PTGER4: variants seen among roughly 807,000 people sequenced by gnomAD.
PTGER4 encodes the protein prostaglandin E receptor 4, also known as prostaglandin E2 receptor EP4 subtype.
PTGER4 carries 11 observed loss-of-function variants against 33.2 expected under a neutral mutation model. The observed-to-expected ratio is 0.33, with a 90% CI of 0.21 to 0.55. PTGER4 has a LOEUF of 0.55. PTGER4 is among the 20% of genes least tolerant of loss of function. The probability of loss-of-function intolerance (pLI) is 0.92; values close to 1 mark genes in which losing one functional copy is unlikely to be tolerated. For synonymous variants in PTGER4, 275 were observed against 281.5 expected (o/e 0.98, Z 0.23); for missense variants, 481 against 650.2 (o/e 0.74, Z 2.83).
At chr5:40,738,092 T>C in the PTGER4 span, among the ~76,000 whole-genome samples, 552 of 152,244 alleles carry the variant, frequency 3.6e-3, 3 homozygotes, top group Non-Finnish European at 6.8e-3. Context: ...AACTGTGAGA[T>C]TGTACAATAA....
the PTGER4 span, among the ~76,000 whole-genome samples, chr5:40,716,653 C>T: frequency 6.6e-6 from 1 of 152,154 alleles, no homozygotes; most frequent in East Asian, 1.9e-4. Flanking sequence ...TACGGTGTTG[C>T]CCTAAACACT....
the PTGER4 span, among the ~76,000 whole-genome samples, chr5:40,738,539 CAATAAAATAAAATAA>C: frequency 0.01 from 677 of 67,498 alleles, 34 homozygotes; most frequent in East Asian, 0.23. Flanking sequence ...CAATAAAATA[CAATAAAATAAAATAA>C]AATAAAATAA....
chr5:40,681,880 G>A lies in PTGER4; in HGVS notation c.867+20G>A, dbSNP rs763281784. On this transcript the variant is annotated intron_variant, in intron 2 of 2. Transcript: ENST00000302472. This position sits in a 1 kb window ranked among gnomAD's most constrained non-coding sequence, Gnocchi z 9.8. ...CTCGTGGTGAGTGACCGGGGCTGGGGCCCTACTCGGCCTTTTTCTCGCATC... is the reference window on the plus strand; with the variant it reads ...CTCGTGGTGAGTGACCGGGGCTGGGACCCTACTCGGCCTTTTTCTCGCATC... 1 of 1,484,088 alleles carries A rather than the reference G, an allele frequency of 6.7e-7. No individual in the cohort carries two copies. Among genetic ancestry groups the A allele is most frequent in the Non-Finnish European group, 8.9e-7 (1 of 1,121,852 alleles). The allele number at this position is 1,484,088 out of a possible 1,614,324, so 91.9% of individuals were successfully genotyped here.
At chr5:40,734,312 GT>G in the PTGER4 span, among the ~76,000 whole-genome samples, 20 of 92,924 alleles carry the variant, frequency 2.2e-4, no homozygotes, top group East Asian at 5.9e-4. Flanking sequence ...TTCAACTTCA[GT>G]TTGGAACAGA....
In PTGER4 at chr5:40,692,083, C is replaced by T. The variant is rs767283149; in HGVS notation, c.1172C>T (p.Thr391Ile). ...ISRELKEISS[T>I]SQTLLPDLSL... ...CGGGAGCTGAAGGAGATCAGCAGTACATCTCAGACCCTCCTGCCAGACCTC... is the reference window on the plus strand; with the variant it reads ...CGGGAGCTGAAGGAGATCAGCAGTATATCTCAGACCCTCCTGCCAGACCTC... Residue 391 changes from threonine (T) to isoleucine (I), a missense_variant, in exon 3 of 3, where the codon ACA becomes ATA. Transcript: ENST00000302472. The T allele has an allele frequency of 1.9e-6, 3 of 1,614,232 alleles. No individual in the cohort carries two copies. Among genetic ancestry groups the T allele is most frequent in the South Asian group, 1.1e-5 (1 of 91,088 alleles).
downstream of PTGER4, among the ~76,000 whole-genome samples, chr5:40,698,121 C>CAAAAAAAAAAA (rs1339691632): frequency 6.9e-4 from 21 of 30,464 alleles, 1 homozygote; most frequent in Admixed American, 1.2e-3. Context: ...AAAAAAAAAC[C>CAAAAAAAAAAA]ATGAAAAATT....
the PTGER4 span, among the ~76,000 whole-genome samples, chr5:40,717,074 C>T: frequency 6.6e-6 from 1 of 151,784 alleles, no homozygotes; most frequent in African/African-American, 2.4e-5. Context: ...ACTAAAAATA[C>T]AAAAATTAGC....
At chr5:40,687,532 C>T (rs988675087) in intron 2 of PTGER4, among the ~76,000 whole-genome samples, 5 of 152,168 alleles carry the variant, frequency 3.3e-5, no homozygotes, top group African/African-American at 9.7e-5. Context: ...TGGGGTTGTC[C>T]CTGCCCTCTT....
chr5:40,711,908 T>C, the PTGER4 span, among the ~76,000 whole-genome samples: 1 of 152,150 alleles, frequency 6.6e-6, no homozygotes, highest in Non-Finnish European at 1.5e-5. Flanking sequence ...TAGGGATGGC[T>C]GTTCAGGTGG....
chr5:40,703,659 C>A, the PTGER4 span, among the ~76,000 whole-genome samples: 1 of 151,952 alleles, frequency 6.6e-6, no homozygotes, highest in Admixed American at 6.6e-5. Context: ...AATCCCAGCA[C>A]TTTGGGAGGC....
downstream of PTGER4, among the ~76,000 whole-genome samples, chr5:40,698,116 A>AT (rs1741655634): frequency 1.1e-5 from 1 of 89,706 alleles, no homozygotes; most frequent in Non-Finnish European, 2.6e-5. Flanking sequence ...AAAAAAAAAA[A>AT]AAACCATGAA....
At chr5:40,706,148 G>A in the PTGER4 span, among the ~76,000 whole-genome samples, 1,601 of 152,232 alleles carry the variant, frequency 0.011, 22 homozygotes, top group African/African-American at 0.033. Context: ...AAGCATCCAC[G>A]AAAGAGAATG....
At chr5:40,738,755 T>C in the PTGER4 span, among the ~76,000 whole-genome samples, 2 of 152,138 alleles carry the variant, frequency 1.3e-5, no homozygotes, top group African/African-American at 2.4e-5. Flanking sequence ...AACTAGGTAA[T>C]AGTATCTCAT....
At chr5:40,726,214 T>TA in the PTGER4 span, among the ~76,000 whole-genome samples, 196 of 149,282 alleles carry the variant, frequency 1.3e-3, 1 homozygote, top group African/African-American at 4.7e-3. Context: ...CATACATATT[T>TA]TATATATATA....
the PTGER4 span, among the ~76,000 whole-genome samples, chr5:40,701,064 A>AACATCC: frequency 5.5e-5 from 7 of 127,816 alleles, no homozygotes; most frequent in African/African-American, 2.2e-4. Flanking sequence ...CAGTTAAAGA[A>AACATCC]ACATCCACGT....
the PTGER4 span, among the ~76,000 whole-genome samples, chr5:40,703,902 C>CAAAAAAAAAAAA: frequency 4.6e-4 from 17 of 37,264 alleles, no homozygotes; most frequent in Admixed American, 8.8e-4. Context: ...GACGCCGTCT[C>CAAAAAAAAAAAA]AAAAAAAAAA....
At chr5:40,741,298 T>C in the PTGER4 span, among the ~76,000 whole-genome samples, 1 of 152,192 alleles carries the variant, frequency 6.6e-6, no homozygotes, top group African/African-American at 2.4e-5. Flanking sequence ...AGTGTAGTCA[T>C]TCTACTAAGA....
the PTGER4 span, among the ~76,000 whole-genome samples, chr5:40,726,140 CTT>C: frequency 1.1e-5 from 1 of 87,574 alleles, no homozygotes. Context: ...CTCATAAAGT[CTT>C]TTATATATAT....
chr5:40,729,730 G>A, the PTGER4 span, among the ~76,000 whole-genome samples: 2 of 151,778 alleles, frequency 1.3e-5, no homozygotes, highest in Non-Finnish European at 2.9e-5. Flanking sequence ...ATGGAGTCTC[G>A]CTGTGTCACC....
Sources: gnomAD v4.1 joint callset for allele counts (sites outside exome capture counted in the v4.1 genomes callset) on GRCh38, gnomAD v4.1.1 for gene constraint, Gnocchi (gnomAD v3.1) non-coding constraint, MANE v1.5 for transcripts, NCBI Gene and HGNC (gene_info 2026-07-23, HGNC 2026-07-21) for gene names.